Variants in COL5A2 observed in about 807,000 individuals in gnomAD.
COL5A2 encodes collagen type V alpha 2 chain.
Under a neutral mutation model 208.2 loss-of-function variants are expected in COL5A2, and 23 were observed. That is an observed-to-expected ratio of 0.11 (90% CI 0.08 to 0.16). COL5A2 has a LOEUF of 0.16. Ranked by LOEUF, COL5A2 falls within the 10% of genes least tolerant of loss-of-function variation. The probability of loss-of-function intolerance (pLI) is 1.00; values close to 1 mark genes in which losing one functional copy is unlikely to be tolerated. For synonymous variants in COL5A2, 625 were observed against 628.5 expected (o/e 0.99, Z 0.08); for missense variants, 1,590 against 1,956.4 (o/e 0.81, Z 3.53).
chr2:189,440,239 A>C, the COL5A2 span, among the ~76,000 whole-genome samples: 3 of 152,340 alleles, frequency 2.0e-5, no homozygotes, highest in Middle Eastern at 3.4e-3. Context: ...ACCATAAATA[A>C]ACTTATAGGT....
chr2:189,349,355 A>G, the COL5A2 span, among the ~76,000 whole-genome samples: 1 of 152,200 alleles, frequency 6.6e-6, no homozygotes, highest in African/African-American at 2.4e-5. Flanking sequence ...AATAACTAAA[A>G]GTCATGTTTA....
the COL5A2 span, among the ~76,000 whole-genome samples, chr2:189,294,621 A>C: frequency 5.3e-5 from 8 of 152,192 alleles, no homozygotes. Flanking sequence ...TCATTTGAAA[A>C]TTTCAAAGCA....
the COL5A2 span, among the ~76,000 whole-genome samples, chr2:189,276,743 T>C: frequency 3.3e-5 from 5 of 152,250 alleles, no homozygotes; most frequent in South Asian, 1.0e-3. Context: ...TTAGATTTAA[T>C]ATATTTTTAA....
rs886055349 is a variant in COL5A2 at position 189,032,610 on chromosome 2, T to A, written c.*1460A>T. 1 of 152,092 alleles carries A rather than the reference T, an allele frequency of 6.6e-6. No individual in the cohort carries two copies. Among genetic ancestry groups the A allele is most frequent in the Non-Finnish European group, 1.5e-5 (1 of 67,994 alleles). The allele number at this position is 152,092 out of a possible 1,614,324, so 9.4% of individuals were successfully genotyped here. Reference sequence around the variant, plus strand: ...GTCTTTTGGGATGGTCCCAGCTGTTTATTTTAAAAGAAAAAAATTAAAATA... The same window carrying A: ...GTCTTTTGGGATGGTCCCAGCTGTTAATTTTAAAAGAAAAAAATTAAAATA... On this transcript the variant is annotated 3_prime_UTR_variant, in exon 54 of 54. Transcript: ENST00000374866.
intron 1 of COL5A2, among the ~76,000 whole-genome samples, chr2:189,162,595 T>C (rs1368693621): frequency 6.6e-6 from 1 of 152,212 alleles, no homozygotes; most frequent in African/African-American, 2.4e-5. Flanking sequence ...TACATTAAGC[T>C]AGAATCTAAC....
At chr2:189,365,956 C>G in the COL5A2 span, among the ~76,000 whole-genome samples, 2 of 152,306 alleles carry the variant, frequency 1.3e-5, no homozygotes, top group East Asian at 3.9e-4. Flanking sequence ...TCATGTGCAA[C>G]TGAGAAAAGA....
the COL5A2 span, among the ~76,000 whole-genome samples, chr2:189,252,821 G>T: frequency 1.3e-4 from 20 of 152,154 alleles, no homozygotes; most frequent in East Asian, 7.7e-4. Flanking sequence ...CTCTAGAACT[G>T]CTCTAGTTTT....
At chr2:189,323,745 C>T in the COL5A2 span, among the ~76,000 whole-genome samples, 4 of 152,148 alleles carry the variant, frequency 2.6e-5, no homozygotes, top group Admixed American at 6.5e-5. Context: ...GGCCATACTG[C>T]CCAAGGTAAT....
chr2:189,261,037 TG>T, the COL5A2 span, among the ~76,000 whole-genome samples: 1 of 152,154 alleles, frequency 6.6e-6, no homozygotes. Context: ...ATTATAAAAA[TG>T]TTTATAATTA....
At chr2:189,427,009 C>T in the COL5A2 span, among the ~76,000 whole-genome samples, 4 of 152,200 alleles carry the variant, frequency 2.6e-5, no homozygotes, top group Non-Finnish European at 5.9e-5. Flanking sequence ...CAGAAATTTG[C>T]ATAACTAAAA....
chr2:189,093,803 C>A (rs1414476412), intron 6 of COL5A2, among the ~76,000 whole-genome samples: 1 of 152,124 alleles, frequency 6.6e-6, no homozygotes, highest in Non-Finnish European at 1.5e-5. Flanking sequence ...CTCTAGGACT[C>A]CTGGATCATA....
At chr2:189,319,515 T>C in the COL5A2 span, among the ~76,000 whole-genome samples, 1 of 152,162 alleles carries the variant, frequency 6.6e-6, no homozygotes. Context: ...ACCAGGAGAT[T>C]ATATCCCGTG....
At chr2:189,232,999 A>G in the COL5A2 span, among the ~76,000 whole-genome samples, 1 of 151,818 alleles carries the variant, frequency 6.6e-6, no homozygotes, top group African/African-American at 2.4e-5. Flanking sequence ...CAAAGCTGCT[A>G]AGGCCCAGAA....
intron 1 of COL5A2, among the ~76,000 whole-genome samples, chr2:189,141,134 G>C (rs1224492769): frequency 1.3e-5 from 2 of 152,150 alleles, no homozygotes; most frequent in Admixed American, 6.5e-5. Flanking sequence ...CAGAGATGGG[G>C]CTGGGCAATA....
the COL5A2 span, among the ~76,000 whole-genome samples, chr2:189,312,265 C>T: frequency 7.2e-5 from 11 of 151,946 alleles, no homozygotes; most frequent in Admixed American, 6.5e-4. Flanking sequence ...AGGTAGGAGG[C>T]CAGGTGGTCG....
chr2:189,243,246 C>G, the COL5A2 span, among the ~76,000 whole-genome samples: 151,007 of 152,244 alleles, frequency 0.99, 74,902 homozygotes, highest in Middle Eastern at 1. Flanking sequence ...GGAAGGAAGA[C>G]AGAAGGTGAT....
chr2:189,097,656 T>G (rs1457928381), intron 5 of COL5A2: 2 of 523,066 alleles, frequency 3.8e-6, no homozygotes, highest in East Asian at 1.0e-4. Context: ...AGGTAAAGCC[T>G]TTGCCACTAA....
the COL5A2 span, among the ~76,000 whole-genome samples, chr2:189,279,734 T>C: frequency 6.6e-6 from 1 of 152,126 alleles, no homozygotes; most frequent in Non-Finnish European, 1.5e-5. Context: ...CAGGATGCAA[T>C]GTCTAAAATA....
At chr2:189,225,524 G>T (rs1689403877), upstream of COL5A2, among the ~76,000 whole-genome samples, 2 of 151,922 alleles carry the variant, frequency 1.3e-5, no homozygotes, top group South Asian at 4.1e-4. Flanking sequence ...CCAAACAACA[G>T]ATTTCTTCTC....
Sources: gnomAD v4.1 joint callset for allele counts (sites outside exome capture counted in the v4.1 genomes callset) on GRCh38, gnomAD v4.1.1 for gene constraint, MANE v1.5 for transcripts, NCBI Gene and HGNC (gene_info 2026-07-23, HGNC 2026-07-21) for gene names.